KCNMA1: variants seen among roughly 807,000 people sequenced by gnomAD.
The protein encoded by KCNMA1 is potassium calcium-activated channel subfamily M alpha 1, also known as Calcium-activated potassium channel subunit alpha-1.
KCNMA1 carries 29 observed loss-of-function variants against 140.0 expected under a neutral mutation model. That is an observed-to-expected ratio of 0.21 (90% CI 0.15 to 0.28). The LOEUF is 0.28. Among genes scored for constraint, KCNMA1 ranks in the 10% least tolerant of loss-of-function variants. The pLI is 1.00. For missense variants in KCNMA1, 880 were observed against 1,602.2 expected (o/e 0.55, Z 7.70); for synonymous variants, 612 against 611.9 (o/e 1.00, Z 0.00).
chr10:77,184,720 CT>C, intron 4 of KCNMA1, 102 bp downstream of exon 4: 3 of 817,228 alleles, frequency 3.7e-6, no homozygotes, highest in Non-Finnish European at 4.3e-6. Context: ...GCTGTTTCTC[CT>C]GGAAATATCT....
chr10:77,219,658 C>T (rs944655984), intron 3 of KCNMA1, among the ~76,000 whole-genome samples: 4 of 152,138 alleles, frequency 2.6e-5, no homozygotes, highest in Admixed American at 6.5e-5. Flanking sequence ...TTTGCTCTGT[C>T]GCCCAGGCTG....
intron 7 of KCNMA1, 135 bp from the exon 8 acceptor site, chr10:77,110,478 C>A: frequency 1.3e-6 from 1 of 798,846 alleles, no homozygotes; most frequent in Non-Finnish European, 2.2e-6. Context: ...TGTGTGGTTC[C>A]CGGGCTGAGT....
At chr10:77,134,734 C>T (rs1053767810) in intron 5 of KCNMA1, among the ~76,000 whole-genome samples, 1 of 152,032 alleles carries the variant, frequency 6.6e-6, no homozygotes, top group South Asian at 2.1e-4. Flanking sequence ...CGCAGTGGCT[C>T]ACGCCTGTAA....
At chr10:77,170,426 G>C (rs2098691569) in intron 5 of KCNMA1, among the ~76,000 whole-genome samples, 1 of 152,022 alleles carries the variant, frequency 6.6e-6, no homozygotes, top group African/African-American at 2.4e-5. Context: ...GTATCCCTGG[G>C]AGAAGGTTGG....
chr10:77,571,044 G>C (rs1042702909), intron 1 of KCNMA1, among the ~76,000 whole-genome samples: 1 of 152,082 alleles, frequency 6.6e-6, no homozygotes, highest in East Asian at 1.9e-4. Flanking sequence ...TTCAGTTTCA[G>C]TTATTCTATT....
intron 1 of KCNMA1, among the ~76,000 whole-genome samples, chr10:77,436,738 A>G (rs951947815): frequency 6.6e-6 from 1 of 152,322 alleles, no homozygotes; most frequent in Non-Finnish European, 1.5e-5. Flanking sequence ...TGTTATCACC[A>G]TCTACTAAAA....
intron 12 of KCNMA1, 122 bp from the exon 13 acceptor site, chr10:77,079,672 T>A (rs1367844064): frequency 4.2e-5 from 31 of 741,188 alleles, no homozygotes; most frequent in Non-Finnish European, 6.4e-5. Context: ...CAGGACTTGA[T>A]TCCAGAGGCA....
intron 23 of KCNMA1, among the ~76,000 whole-genome samples, chr10:76,937,395 T>C (rs2060839076): frequency 6.6e-6 from 1 of 152,208 alleles, no homozygotes; most frequent in African/African-American, 2.4e-5. Flanking sequence ...TCTTCACAGC[T>C]CTTGACACAT....
At chr10:77,403,751 C>T (rs2096365801) in intron 2 of KCNMA1, 111 bp downstream of exon 2, 1 of 1,114,140 alleles carries the variant, frequency 9.0e-7, no homozygotes, top group Admixed American at 2.3e-5. Context: ...CCCCCACCTC[C>T]CAATAGCCAG....
intron 1 of KCNMA1, among the ~76,000 whole-genome samples, chr10:77,518,888 A>C (rs1232660370): frequency 6.6e-6 from 1 of 152,180 alleles, no homozygotes; most frequent in Non-Finnish European, 1.5e-5. Context: ...GCACTGTATG[A>C]ATGCACGCTT....
chr10:76,871,361 G>A (rs1397864992), exon 28 of KCNMA1: 1 of 152,472 alleles, frequency 6.6e-6, no homozygotes, highest in East Asian at 1.9e-4. Flanking sequence ...TGTCCTTGAG[G>A]ACAGATTAGG....
intron 9 of KCNMA1, among the ~76,000 whole-genome samples, chr10:77,101,716 T>C (rs1204812141): frequency 1.3e-5 from 2 of 152,206 alleles, no homozygotes; most frequent in Non-Finnish European, 2.9e-5. Context: ...GAGCCATGTC[T>C]GCAATAGAGA....
At chr10:77,137,191 A>G (rs1335108880) in intron 5 of KCNMA1, among the ~76,000 whole-genome samples, 1 of 151,952 alleles carries the variant, frequency 6.6e-6, no homozygotes. Flanking sequence ...CATACATGTG[A>G]GGTCTCGGGA....
chr10:77,379,893 C>T (rs1442037974), intron 2 of KCNMA1, among the ~76,000 whole-genome samples: 1 of 152,186 alleles, frequency 6.6e-6, no homozygotes, highest in Non-Finnish European at 1.5e-5. Flanking sequence ...ACTAAGGGAA[C>T]TGAGCCAGCC....
At chr10:77,216,747 T>A (rs1006742403) in intron 3 of KCNMA1, among the ~76,000 whole-genome samples, 61 of 152,296 alleles carry the variant, frequency 4.0e-4, no homozygotes, top group African/African-American at 1.4e-3. Context: ...TAAGAAAAAA[T>A]TTTATCAAAT....
chr10:77,620,679 T>C (rs897668047), intron 1 of KCNMA1, among the ~76,000 whole-genome samples: 1 of 152,204 alleles, frequency 6.6e-6, no homozygotes, highest in Non-Finnish European at 1.5e-5. Context: ...GTGGGTTCTC[T>C]CTGGCCACTC....
At chr10:76,974,387 T>C (rs1174570265) in intron 19 of KCNMA1, 1 of 692,540 alleles carries the variant, frequency 1.4e-6, no homozygotes, top group Non-Finnish European at 2.5e-6. Flanking sequence ...TCCACAGTAG[T>C]GCATCGCTCT....
At chr10:77,350,736 A>T (rs1405831511) in intron 2 of KCNMA1, 1 of 152,162 alleles carries the variant, frequency 6.6e-6, no homozygotes, top group Non-Finnish European at 1.5e-5. Context: ...GGGGGTGGGG[A>T]GGGTGTCTCT....
chr10:77,105,109 C>T (rs950032559), intron 9 of KCNMA1, among the ~76,000 whole-genome samples: 2 of 152,180 alleles, frequency 1.3e-5, no homozygotes, highest in Admixed American at 6.5e-5. Flanking sequence ...TTCTTAGATG[C>T]TCCAATCCAT....
Sources: allele counts gnomAD v4.1 joint callset (sites outside exome capture counted in the v4.1 genomes callset), GRCh38; gene constraint gnomAD v4.1.1; transcripts MANE v1.5; gene names NCBI Gene and HGNC (gene_info 2026-07-23, HGNC 2026-07-21).